Variants in COG6 observed in about 807,000 individuals in gnomAD.
The protein encoded by COG6 is conserved oligomeric Golgi complex subunit 6.
COG6 carries 74 observed loss-of-function variants against 88.8 expected under a neutral mutation model. The observed-to-expected ratio is 0.83, with a 90% CI of 0.69 to 1.01. The LOEUF (loss-of-function observed/expected upper bound fraction) is 1.01. Ranked by LOEUF, COG6 falls within the 50% of genes least tolerant of loss-of-function variation. The pLI is 0.00. For synonymous variants in COG6, 286 were observed against 278.7 expected (o/e 1.03, Z -0.26); for missense variants, 800 against 797.9 (o/e 1.00, Z -0.03).
chr13:39,738,212 G>T (rs1879867161), intron 18 of COG6, among the ~76,000 whole-genome samples: 1 of 152,054 alleles, frequency 6.6e-6, no homozygotes, highest in Non-Finnish European at 1.5e-5. Context: ...ATCTCTGGAG[G>T]CTTCTATTTG....
chr13:39,778,148 TA>T, intron 18 of COG6, among the ~76,000 whole-genome samples: 2 of 152,356 alleles, frequency 1.3e-5, no homozygotes, highest in South Asian at 4.1e-4. Context: ...AAAAAATAGT[TA>T]ATACTTGAGG....
chr13:39,709,847 A>T (rs1017699938), intron 13 of COG6, among the ~76,000 whole-genome samples: 4 of 152,130 alleles, frequency 2.6e-5, no homozygotes, highest in Non-Finnish European at 4.4e-5. Context: ...TTTCATGTGG[A>T]TATACACTTG....
chr13:39,756,539 TCGGATGA>T (rs918297877), downstream of COG6, among the ~76,000 whole-genome samples: 1 of 152,100 alleles, frequency 6.6e-6, no homozygotes, highest in Non-Finnish European at 1.5e-5. Flanking sequence ...GAGCTCCAAG[TCGGATGA>T]ACTAAAAATA....
At chr13:39,724,642 T>A in intron 17 of COG6, 81 bp downstream of exon 17, 1 of 1,066,472 alleles carries the variant, frequency 9.4e-7, no homozygotes, top group Non-Finnish European at 1.5e-6. Context: ...ATAATTTCAT[T>A]CTGGGTGACA....
chr13:39,782,970 A>G (rs1881673314), intron 18 of COG6, among the ~76,000 whole-genome samples: 2 of 152,190 alleles, frequency 1.3e-5, no homozygotes. Flanking sequence ...TTAGACAAGT[A>G]TGTTTATTTT....
chr13:39,699,667 AAGATG>A, intron 13 of COG6, 49 bp downstream of exon 13: 1 of 893,556 alleles, frequency 1.1e-6, no homozygotes, highest in Non-Finnish European at 1.9e-6. Flanking sequence ...TTTCACATTA[AAGATG>A]TTTTAGTGAT....
chr13:39,764,396 T>C (rs1881108172), intron 18 of COG6, among the ~76,000 whole-genome samples: 1 of 151,746 alleles, frequency 6.6e-6, no homozygotes, highest in Admixed American at 6.6e-5. Flanking sequence ...TTCCTTTTAC[T>C]TTCTTGGTAT....
chr13:39,721,296 G>A (rs777325821), intron 15 of COG6, among the ~76,000 whole-genome samples: 17 of 152,074 alleles, frequency 1.1e-4, no homozygotes, highest in Non-Finnish European at 2.1e-4. Context: ...GTTTATTCAA[G>A]TTATCTATGT....
intron 18 of COG6, among the ~76,000 whole-genome samples, chr13:39,728,650 T>C (rs1879268214): frequency 6.6e-6 from 1 of 152,122 alleles, no homozygotes. Flanking sequence ...TGTTATGCTG[T>C]GACTCAGGTT....
downstream of COG6, among the ~76,000 whole-genome samples, chr13:39,756,477 G>C (rs751871394): frequency 3.3e-5 from 5 of 152,284 alleles, no homozygotes; most frequent in Admixed American, 6.5e-5. Flanking sequence ...AAGAAATATT[G>C]TCAGGATACT....
At chr13:39,750,543 G>A (rs1566038977) in intron 18 of COG6, among the ~76,000 whole-genome samples, 1 of 152,168 alleles carries the variant, frequency 6.6e-6, no homozygotes, top group African/African-American at 2.4e-5. Context: ...AGAGATAAAA[G>A]TGTTGATAAA....
intron 8 of COG6, among the ~76,000 whole-genome samples, chr13:39,683,962 A>G (rs556068646): frequency 7.2e-5 from 11 of 152,304 alleles, no homozygotes; most frequent in Non-Finnish European, 1.0e-4. Context: ...AATGAGGATA[A>G]TAATAGTGCC....
chr13:39,707,226 T>G (rs564679273), intron 13 of COG6, among the ~76,000 whole-genome samples: 37 of 151,734 alleles, frequency 2.4e-4, no homozygotes, highest in African/African-American at 8.9e-4. Context: ...CCTCCCGGGT[T>G]CAAGTGATTC....
At chr13:39,743,889 A>G (rs1041891618) in intron 18 of COG6, among the ~76,000 whole-genome samples, 3 of 152,200 alleles carry the variant, frequency 2.0e-5, no homozygotes, top group Non-Finnish European at 4.4e-5. Context: ...GCAGCACATC[A>G]AAAAACTTAC....
chr13:39,774,216 T>A, intron 18 of COG6, among the ~76,000 whole-genome samples: 1 of 152,212 alleles, frequency 6.6e-6, no homozygotes, highest in African/African-American at 2.4e-5. Flanking sequence ...AAACCACATA[T>A]CATTTTAAAA....
chr13:39,704,914 A>G (rs1877798404), intron 13 of COG6, among the ~76,000 whole-genome samples: 1 of 152,112 alleles, frequency 6.6e-6, no homozygotes, highest in African/African-American at 2.4e-5. Context: ...TTATTTTTAC[A>G]TTAGATTGCG....
chr13:39,752,714 A>G (rs1880706581), downstream of COG6: 1 of 1,128,864 alleles, frequency 8.9e-7, no homozygotes, highest in East Asian at 6.4e-5. Flanking sequence ...AAAAGGAAAT[A>G]CAACATAGGG....
At chr13:39,778,716 G>A (rs1279199940) in intron 18 of COG6, among the ~76,000 whole-genome samples, 1 of 152,170 alleles carries the variant, frequency 6.6e-6, no homozygotes, top group Non-Finnish European at 1.5e-5. Context: ...TTTGCCTCAG[G>A]GGCTATCATG....
intron 4 of COG6, among the ~76,000 whole-genome samples, chr13:39,677,147 G>T (rs570408460): frequency 6.6e-6 from 1 of 152,244 alleles, no homozygotes; most frequent in East Asian, 1.9e-4. Flanking sequence ...CTAGCAAACT[G>T]CAAGGTGAAC....
Sources: gnomAD v4.1 joint callset for allele counts (sites outside exome capture counted in the v4.1 genomes callset) on GRCh38, gnomAD v4.1.1 for gene constraint, MANE v1.5 for transcripts, NCBI Gene and HGNC (gene_info 2026-07-23, HGNC 2026-07-21) for gene names.